The following SEMA6D variants were observed in gnomAD, a reference collection of about 807,000 sequenced individuals.
SEMA6D encodes semaphorin 6D.
SEMA6D carries 35 observed loss-of-function variants against 106.6 expected under a neutral mutation model. That is an observed-to-expected ratio of 0.33 (90% CI 0.25 to 0.44). The LOEUF (loss-of-function observed/expected upper bound fraction) is 0.44, where lower values mean the gene tolerates loss of function less well. Among genes scored for constraint, SEMA6D ranks in the 20% least tolerant of loss-of-function variants. SEMA6D has a pLI of 1.00. For synonymous variants in SEMA6D, 499 were observed against 487.7 expected (o/e 1.02, Z -0.31); for missense variants, 1,185 against 1,345.9 (o/e 0.88, Z 1.87).
intron 1 of SEMA6D, among the ~76,000 whole-genome samples, chr15:47,387,998 A>C (rs1477952786): frequency 2.0e-5 from 3 of 152,210 alleles, no homozygotes; most frequent in Non-Finnish European, 4.4e-5. Context: ...TCTAAAAACT[A>C]TATTAGTATT....
intron 3 of SEMA6D, among the ~76,000 whole-genome samples, chr15:47,482,593 A>AT (rs2141317083): frequency 6.6e-6 from 1 of 152,286 alleles, no homozygotes; most frequent in African/African-American, 2.4e-5. Context: ...AATGGCATTC[A>AT]TAGGATACCA....
chr15:47,712,464 T>A (rs1330231425), intron 4 of SEMA6D, among the ~76,000 whole-genome samples: 1 of 152,198 alleles, frequency 6.6e-6, no homozygotes, highest in African/African-American at 2.4e-5. Context: ...CATAAAATGA[T>A]GTCTGTCTCA....
intron 3 of SEMA6D, among the ~76,000 whole-genome samples, chr15:47,597,503 G>GAT (rs1031452702): frequency 3.9e-5 from 6 of 151,946 alleles, no homozygotes; most frequent in Admixed American, 2.0e-4. Flanking sequence ...AAGAAAATGT[G>GAT]ATATATATAC....
intron 3 of SEMA6D, among the ~76,000 whole-genome samples, chr15:47,504,933 G>T (rs773889066): frequency 2.7e-4 from 41 of 152,266 alleles, no homozygotes; most frequent in Middle Eastern, 3.4e-3. Context: ...GAAAAAAGAG[G>T]CATGGAGAGT....
chr15:47,699,759 G>A (rs1357045990), intron 4 of SEMA6D, among the ~76,000 whole-genome samples: 1 of 152,230 alleles, frequency 6.6e-6, no homozygotes, highest in Non-Finnish European at 1.5e-5. Context: ...ACAAGACAAG[G>A]ATGTCACTTC....
Position 47,584,828 on chromosome 15 carries a change from A to G in SEMA6D, c.-86-16037A>G, listed in dbSNP as rs141844364. Among the ~76,000 whole-genome samples the G allele has an allele frequency of 5.7e-3, 873 of 152,290 alleles. 2 individuals are homozygous for G. The highest frequency in any genetic ancestry group is 8.5e-3 in the Non-Finnish European group (578 of 68,018). ...ATTCATGCATGTATTCATTCAACAA[A>G]TAAGTTTTGAAAACCAGACCATGCT... is the stretch of plus-strand genomic sequence containing the variant. On this transcript the variant is annotated intron_variant, in intron 3 of 19. Coordinates refer to the SEMA6D transcript ENST00000558014.
chr15:47,741,922 G>T (rs989707970), intron 1 of SEMA6D, among the ~76,000 whole-genome samples: 2 of 152,182 alleles, frequency 1.3e-5, no homozygotes, highest in African/African-American at 4.8e-5. Flanking sequence ...CAAATCCACA[G>T]TAGAAATGGA....
intron 1 of SEMA6D, among the ~76,000 whole-genome samples, chr15:47,369,480 A>C (rs914478921): frequency 9.2e-5 from 14 of 152,342 alleles, no homozygotes; most frequent in African/African-American, 3.4e-4. Flanking sequence ...GCTTAGAGTG[A>C]AAATTTGAAT....
intron 4 of SEMA6D, among the ~76,000 whole-genome samples, chr15:47,650,358 A>G (rs2077663202): frequency 6.6e-6 from 1 of 152,232 alleles, no homozygotes; most frequent in South Asian, 2.1e-4. Context: ...TCTCTGTCCA[A>G]GAAACCGCTA....
intron 3 of SEMA6D, among the ~76,000 whole-genome samples, chr15:47,530,462 A>T (rs924883340): frequency 6.6e-6 from 1 of 152,342 alleles, no homozygotes; most frequent in African/African-American, 2.4e-5. Context: ...ATAAAAGACC[A>T]TTGTCATATA....
intron 1 of SEMA6D, among the ~76,000 whole-genome samples, chr15:47,355,747 A>C (rs978914889): frequency 2.0e-5 from 3 of 152,238 alleles, no homozygotes; most frequent in African/African-American, 7.2e-5. Context: ...CTGCTCTCTT[A>C]AATCTAGCAG....
chr15:47,271,049 T>A (rs1341537848), intron 1 of SEMA6D, among the ~76,000 whole-genome samples: 2 of 152,226 alleles, frequency 1.3e-5, no homozygotes, highest in Non-Finnish European at 2.9e-5. Flanking sequence ...ATTGCTTATT[T>A]ACAGTCCTCA....
chr15:47,373,364 AACTAAAAATGCAATATAC>A (rs1228160490), intron 1 of SEMA6D, among the ~76,000 whole-genome samples: 1 of 152,232 alleles, frequency 6.6e-6, no homozygotes, highest in East Asian at 1.9e-4. Context: ...AGCCATAGAT[AACTAAAAATGCAATATAC>A]CCCATATATG....
intron 1 of SEMA6D, among the ~76,000 whole-genome samples, chr15:47,348,719 C>CGAGAGAGAGAGAGAGAG (rs1567016651): frequency 2.1e-4 from 4 of 19,100 alleles, no homozygotes; most frequent in Non-Finnish European, 8.6e-4. Flanking sequence ...ACACACACAC[C>CGAGAGAGAGAGAGAGAG]ACACACACAG....
intron 3 of SEMA6D, among the ~76,000 whole-genome samples, chr15:47,508,733 A>G (rs2044132710): frequency 6.6e-6 from 1 of 152,250 alleles, no homozygotes; most frequent in Non-Finnish European, 1.5e-5. Flanking sequence ...CACCTAGTGT[A>G]GTGGCTAACT....
intron 3 of SEMA6D, among the ~76,000 whole-genome samples, chr15:47,538,162 A>T (rs575043522): frequency 1.3e-5 from 2 of 152,222 alleles, no homozygotes; most frequent in Non-Finnish European, 2.9e-5. Context: ...CTCAAAAACT[A>T]TAGTAATTTG....
At chr15:47,325,308 G>GGACT (rs1248338541) in intron 1 of SEMA6D, among the ~76,000 whole-genome samples, 2 of 151,972 alleles carry the variant, frequency 1.3e-5, no homozygotes, top group Non-Finnish European at 2.9e-5. Context: ...CGAGTAAACT[G>GGACT]GACTACAGGC....
chr15:47,736,191 C>G (rs1267353861), intron 1 of SEMA6D, among the ~76,000 whole-genome samples: 1 of 152,066 alleles, frequency 6.6e-6, no homozygotes, highest in Non-Finnish European at 1.5e-5. Flanking sequence ...GCTTAGAAGC[C>G]TACTAAGAAA....
At chr15:47,448,614 A>G (rs998444816) in intron 2 of SEMA6D, among the ~76,000 whole-genome samples, 1 of 152,170 alleles carries the variant, frequency 6.6e-6, no homozygotes, top group Admixed American at 6.5e-5. Flanking sequence ...TTGTGAGAAG[A>G]AAGAAATGAG....
Sources: allele counts gnomAD v4.1 joint callset (sites outside exome capture counted in the v4.1 genomes callset), GRCh38; gene constraint gnomAD v4.1.1; transcripts MANE v1.5; gene names NCBI Gene and HGNC (gene_info 2026-07-23, HGNC 2026-07-21).